RABEPK: variants seen among roughly 807,000 people sequenced by gnomAD.
The protein encoded by RABEPK is 40 kDa Rab9 effector protein.
Under a neutral mutation model 34.1 loss-of-function variants are expected in RABEPK, and 27 were observed. The observed-to-expected ratio is 0.79, with a 90% confidence interval of 0.58 to 1.09. The LOEUF is 1.09. RABEPK is among the 50% of genes least tolerant of loss of function. The probability of loss-of-function intolerance (pLI) is 0.00; values close to 1 mark genes in which losing one functional copy is unlikely to be tolerated. For synonymous variants in RABEPK, 172 were observed against 169.2 expected (o/e 1.02, Z -0.13); for missense variants, 449 against 462.6 (o/e 0.97, Z 0.27).
At chr9:125,204,577 C>A (rs922339370) in intron 2 of RABEPK, among the ~76,000 whole-genome samples, 1 of 152,180 alleles carries the variant, frequency 6.6e-6, no homozygotes, top group Non-Finnish European at 1.5e-5. Flanking sequence ...AGGGAGACTC[C>A]GTCTCAAACA....
At chr9:125,218,321 C>CAA (rs71374234) in intron 4 of RABEPK, among the ~76,000 whole-genome samples, 425 of 41,164 alleles carry the variant, frequency 0.01, 104 homozygotes, top group Middle Eastern at 0.037. Flanking sequence ...GACTCCGTCT[C>CAA]AAAAAAAAAA....
Position 125,234,118 on chromosome 9 carries a change from A to C in RABEPK, c.*138A>C. On this transcript the variant is annotated 3_prime_UTR_variant, in exon 8 of 8. Coordinates refer to ENST00000373538, the MANE Select transcript of RABEPK (RefSeq NM_005833.4). ...TTTGGTAGGTGAAGAAACTAATGCA[A>C]ATAATTCTTATGTGCACTAAACCTT... The C allele has an allele frequency of 3.3e-6, 3 of 907,370 alleles. No homozygotes were observed. Among genetic ancestry groups the C allele is most frequent in the South Asian group, 1.7e-5 (1 of 60,370 alleles). 56.2% of individuals were successfully genotyped at this position (907,370 alleles called of 1,614,324 possible).
chr9:125,201,016 ACAGGC>A (rs1258465947), intron 1 of RABEPK, 110 bp downstream of exon 1: 1 of 366,216 alleles, frequency 2.7e-6, no homozygotes, highest in Non-Finnish European at 5.4e-6. Flanking sequence ...AATGGATCTG[ACAGGC>A]CCAGCCCTCT....
At chr9:125,202,908 G>T in intron 1 of RABEPK, 100 bp from the exon 2 acceptor site, 1 of 771,932 alleles carries the variant, frequency 1.3e-6, no homozygotes, top group East Asian at 2.6e-5. Flanking sequence ...ATCAGGCCTA[G>T]AAATTAGTAC....
rs777043851 is a variant in RABEPK at position 125,227,906 on chromosome 9, C to T, written c.527-4C>T. The T allele has an allele frequency of 9.0e-6, 14 of 1,556,764 alleles. No individual in the cohort carries two copies. The highest frequency in any genetic ancestry group is 8.7e-7 in the Non-Finnish European group (1 of 1,151,780). On this transcript the variant is annotated splice_region_variant and splice_polypyrimidine_tract_variant and intron_variant, in intron 5 of 7. Coordinates refer to ENST00000373538, the MANE Select transcript of RABEPK (RefSeq NM_005833.4). ...ATTTGATGTTATTGAATTTACTTTT[C>T]TAGACACTCTGACCTGGTCACAGCC...
At chr9:125,232,251 C>CAGAG (rs34634332) in intron 6 of RABEPK, among the ~76,000 whole-genome samples, 58 of 149,390 alleles carry the variant, frequency 3.9e-4, no homozygotes, top group Middle Eastern at 6.9e-3. Flanking sequence ...CACACAGAGA[C>CAGAG]AGAGAGAGAG....
chr9:125,218,286 C>T (rs1281235275), intron 4 of RABEPK, among the ~76,000 whole-genome samples: 3 of 129,180 alleles, frequency 2.3e-5, no homozygotes, highest in Admixed American at 9.6e-5. Flanking sequence ...CGCGCCACTG[C>T]ACTCTGGGCT....
rs550721419 is a variant in RABEPK, at chr9:125,203,159, G to A, written c.53+93G>A. On this transcript the variant is annotated intron_variant, in intron 2 of 7. Transcript: ENST00000373538. ...CATATTTGATCATCAACAAAAAGGG[G>A]TAGAGATGAAACTGTCTGCAGTTTC... The A allele has an allele frequency of 4.0e-4, 440 of 1,111,260 alleles. 6 individuals carry two copies. The South Asian group carries it at 4.1e-3, about 10-fold the overall frequency. The allele number at this position is 1,111,260 out of a possible 1,614,324, so 68.8% of individuals were successfully genotyped here.
At chr9:125,209,170 C>T (rs1830432951) in intron 3 of RABEPK, among the ~76,000 whole-genome samples, 1 of 150,734 alleles carries the variant, frequency 6.6e-6, no homozygotes, top group African/African-American at 2.4e-5. Context: ...AAGCAATTCT[C>T]CTGCCTCAGC....
chr9:125,233,588 C>T (rs180708633), intron 7 of RABEPK, 100 bp from the exon 8 acceptor site: 23 of 1,261,744 alleles, frequency 1.8e-5, no homozygotes, highest in East Asian at 7.1e-5. Flanking sequence ...GTGATCCACC[C>T]GCTTCGGCCT....
At chr9:125,204,298 C>G (rs1474845381) in intron 2 of RABEPK, among the ~76,000 whole-genome samples, 1 of 150,638 alleles carries the variant, frequency 6.6e-6, no homozygotes, top group African/African-American at 2.4e-5. Context: ...AATCAGACTC[C>G]TGACCGGGCG....
intron 3 of RABEPK, among the ~76,000 whole-genome samples, chr9:125,210,188 G>C (rs1299840235): frequency 6.6e-6 from 1 of 152,074 alleles, no homozygotes; most frequent in Non-Finnish European, 1.5e-5. Flanking sequence ...CGGATCGCTA[G>C]GTCAAGAGAT....
At chr9:125,224,213 C>CAAAAAAAAAAAAAAAAAAAA in intron 5 of RABEPK, among the ~76,000 whole-genome samples, 1 of 117,388 alleles carries the variant, frequency 8.5e-6, no homozygotes. Context: ...AAAAACAAAA[C>CAAAAAAAAAAAAAAAAAAAA]AAAAAAAAAA....
Position 125,207,625 on chromosome 9 carries a change from T to C in RABEPK, c.115T>C (p.Leu39=). ...CARVGHSCSY[L]PPVGNAKRGK... ...TCGAGTTGGCCACAGCTGTTCATATTTACCCCCAGTTGGTAATGCCAAGAG... is the reference window on the plus strand; with the variant it reads ...TCGAGTTGGCCACAGCTGTTCATATCTACCCCCAGTTGGTAATGCCAAGAG... Residue 39 remains leucine, a synonymous_variant, in exon 3 of 8, where the codon TTA becomes CTA. Coordinates refer to ENST00000373538, the MANE Select transcript of RABEPK (RefSeq NM_005833.4). 2 of 1,614,136 alleles carry C rather than the reference T, an allele frequency of 1.2e-6. No homozygotes were observed. The highest frequency in any genetic ancestry group is 8.5e-7 in the Non-Finnish European group (1 of 1,179,982).
chr9:125,206,150 A>C (rs1212860787), intron 2 of RABEPK, among the ~76,000 whole-genome samples: 2 of 152,136 alleles, frequency 1.3e-5, no homozygotes, highest in Non-Finnish European at 2.9e-5. Context: ...AAACAGCTAC[A>C]GAATTTTCTT....
chr9:125,222,200 CTT>C (rs1831388661), intron 5 of RABEPK: 1 of 148,092 alleles, frequency 6.8e-6, no homozygotes, highest in South Asian at 2.1e-4. Context: ...CACAGTGTGA[CTT>C]TTCTCTTTCC....
intron 2 of RABEPK, among the ~76,000 whole-genome samples, chr9:125,206,790 T>C (rs1007853452): frequency 4.6e-5 from 7 of 151,906 alleles, no homozygotes; most frequent in Non-Finnish European, 1.0e-4. Flanking sequence ...TCTTTTGCAG[T>C]AAGAACTGTT....
At chr9:125,204,988 CA>C (rs1232380966) in intron 2 of RABEPK, among the ~76,000 whole-genome samples, 1 of 152,028 alleles carries the variant, frequency 6.6e-6, no homozygotes, top group Non-Finnish European at 1.5e-5. Flanking sequence ...CTACCATGCC[CA>C]GCTAATTTTT....
chr9:125,220,351 C>G, intron 4 of RABEPK, 188 bp from the exon 5 acceptor site: 1 of 1,447,064 alleles, frequency 6.9e-7, no homozygotes, highest in African/African-American at 1.4e-5. Context: ...GGATTTTGGA[C>G]TGTCTTGGCA....
Sources: gnomAD v4.1 joint callset for allele counts (sites outside exome capture counted in the v4.1 genomes callset) on GRCh38, gnomAD v4.1.1 for gene constraint, MANE v1.5 for transcripts, NCBI Gene and HGNC (gene_info 2026-07-23, HGNC 2026-07-21) for gene names.